Variants in ABCC9 observed in about 807,000 individuals in gnomAD.
ABCC9 encodes ATP binding cassette subfamily C member 9.
A neutral mutation model predicts 188.3 loss-of-function variants in ABCC9; 95 were observed. The ratio of observed to expected loss-of-function variants is 0.50; its 90% CI spans 0.43 to 0.60. ABCC9 has a LOEUF of 0.60. ABCC9 is among the 20% of genes least tolerant of loss of function. The probability of loss-of-function intolerance (pLI) is 0.00; values close to 1 mark genes in which losing one functional copy is unlikely to be tolerated. For synonymous variants in ABCC9, 659 were observed against 652.7 expected, an observed-to-expected ratio of 1.01 and a Z score of -0.15; for missense variants, 1,102 against 1,876.3, an observed-to-expected ratio of 0.59 and a Z score of 7.62.
chr12:21,846,334 A>ATTCCTCTC (rs1388634026), intron 25 of ABCC9, among the ~76,000 whole-genome samples: 1 of 152,194 alleles, frequency 6.6e-6, no homozygotes, highest in East Asian at 1.9e-4. Flanking sequence ...TGGGCTAGGA[A>ATTCCTCTC]TTCCTCTCAG....
intron 22 of ABCC9, among the ~76,000 whole-genome samples, chr12:21,857,656 G>T (rs111385364): frequency 1.3e-5 from 2 of 152,058 alleles, no homozygotes; most frequent in African/African-American, 4.8e-5. Context: ...AAACTTTCCC[G>T]GCTGTGAAGA....
At chr12:21,819,582 A>G (rs558026737) in intron 31 of ABCC9, among the ~76,000 whole-genome samples, 1 of 152,306 alleles carries the variant, frequency 6.6e-6, no homozygotes, top group African/African-American at 2.4e-5. Context: ...CTGAGACTCA[A>G]TTTCTTCCTT....
intron 37 of ABCC9, among the ~76,000 whole-genome samples, chr12:21,807,701 T>A (rs1414245297): frequency 1.3e-5 from 2 of 152,210 alleles, no homozygotes; most frequent in African/African-American, 4.8e-5. Context: ...GAATTACCTC[T>A]GATAGGAGGA....
intron 4 of ABCC9, among the ~76,000 whole-genome samples, chr12:21,927,346 G>C (rs779139372): frequency 2.3e-4 from 35 of 152,166 alleles, no homozygotes; most frequent in Non-Finnish European, 2.8e-4. Flanking sequence ...TAAGGAAGTT[G>C]GTTGGTAATA....
chr12:21,899,267 C>G (rs76991997), intron 12 of ABCC9, among the ~76,000 whole-genome samples: 1 of 152,330 alleles, frequency 6.6e-6, no homozygotes, highest in Non-Finnish European at 1.5e-5. Context: ...TCAAATGAAT[C>G]TTCGGCCAAT....
chr12:21,856,833 A>G (rs1045628328), intron 22 of ABCC9, among the ~76,000 whole-genome samples: 3 of 152,184 alleles, frequency 2.0e-5, no homozygotes, highest in Admixed American at 6.6e-5. Context: ...AAATACAGCA[A>G]TAATTTCAGA....
chr12:21,876,039 G>A (rs1946328663), intron 16 of ABCC9, among the ~76,000 whole-genome samples: 2 of 152,074 alleles, frequency 1.3e-5, no homozygotes, highest in Admixed American at 6.6e-5. Context: ...GTGACAGAGC[G>A]AGACTCCATC....
chr12:21,829,255 G>A (rs746243949), intron 30 of ABCC9, among the ~76,000 whole-genome samples, 195 bp from the exon 31 acceptor site: 2 of 126,040 alleles, frequency 1.6e-5, no homozygotes, highest in Non-Finnish European at 3.2e-5. Context: ...AGGCTGGAGT[G>A]CAGTGGCGCG....
intron 28 of ABCC9, among the ~76,000 whole-genome samples, chr12:21,844,022 C>T (rs1245380340): frequency 6.6e-6 from 1 of 152,132 alleles, no homozygotes; most frequent in Non-Finnish European, 1.5e-5. Context: ...CTAAACTTGG[C>T]ATTCCTGGAA....
intron 33 of ABCC9, among the ~76,000 whole-genome samples, chr12:21,816,207 A>G (rs1170367911): frequency 6.6e-6 from 1 of 151,848 alleles, no homozygotes; most frequent in East Asian, 1.9e-4. Flanking sequence ...ATTCTATTCA[A>G]AGTGGACAGA....
intron 18 of ABCC9, among the ~76,000 whole-genome samples, chr12:21,868,143 A>G (rs1415226129): frequency 1.3e-5 from 2 of 152,134 alleles, no homozygotes. Context: ...TTCTGGGTCT[A>G]CAATATGTCA....
At position 21,906,095 on chromosome 12, in the gene ABCC9, G is replaced by C. The variant is rs752818210; in HGVS notation, c.1618+31C>G. 4.2e-5 allele frequency: 68 copies of C among 1,609,872 alleles called. 1 individual carries two copies. Among genetic ancestry groups the C allele is most frequent in the Non-Finnish European group, 5.2e-5 (61 of 1,176,776 alleles). On this transcript the variant is annotated intron_variant, in intron 12 of 39. Transcript: ENST00000261200. ...GTTGGTTATTCTGGTTGCCCTTAAA[G>C]TCGCCTGTTCTTAGAGCAACAGCAA... is the stretch of plus-strand genomic sequence containing the variant.
In ABCC9 at chr12:21,925,638, C is replaced by A; in HGVS notation, c.406+304G>T. 14 of 648,098 alleles carry A rather than the reference C, an allele frequency of 2.2e-5. No individual in the cohort carries two copies. In the South Asian group the frequency reaches 2.4e-4, roughly 11 times the overall value. 40.1% of individuals were successfully genotyped at this position (648,098 alleles called of 1,614,324 possible). A position where few individuals can be genotyped will look rare whatever the true frequency, so the allele number is the denominator to read the frequency against. ...AGCTCTGATTCTTAAAATACAACTTCTGCAAGCCAGAAGGCCAGCCATATT... is the reference window on the plus strand; with the variant it reads ...AGCTCTGATTCTTAAAATACAACTTATGCAAGCCAGAAGGCCAGCCATATT... On this transcript the variant is annotated intron_variant, in intron 5 of 39. Coordinates refer to ENST00000261200, the MANE Select transcript of ABCC9 (RefSeq NM_020297.4).
Position 21,797,900 on chromosome 12 carries a change from A to G in ABCC9, c.*3144T>C, listed in dbSNP as rs917909386. ...AAAATTGATTTGACTAATTAAATAT[A>G]AAATTTATAAATGTAAAATCTGATT... On this transcript the variant is annotated 3_prime_UTR_variant, in exon 40 of 40. Transcript: ENST00000261200. 2 of 152,226 alleles carry G rather than the reference A, an allele frequency of 1.3e-5. No homozygotes were observed. Among genetic ancestry groups the G allele is most frequent in the East Asian group, 3.8e-4 (2 of 5,200 alleles). 9.4% of individuals were successfully genotyped at this position (152,226 alleles called of 1,614,324 possible).
At chr12:21,868,250 G>A (rs796281960) in intron 18 of ABCC9, among the ~76,000 whole-genome samples, 14 of 152,314 alleles carry the variant, frequency 9.2e-5, no homozygotes, top group African/African-American at 3.4e-4. Flanking sequence ...GAACAACAAT[G>A]CCTTTTCTCC....
At chr12:21,815,987 A>T (rs1218563849) in intron 33 of ABCC9, 94 bp from the exon 34 acceptor site, 1 of 658,280 alleles carries the variant, frequency 1.5e-6, no homozygotes, top group African/African-American at 2.2e-5. Context: ...TTATACATAT[A>T]TATATATTTT....
At chr12:21,873,636 G>A (rs899517489) in intron 17 of ABCC9, among the ~76,000 whole-genome samples, 1 of 152,124 alleles carries the variant, frequency 6.6e-6, no homozygotes, top group Non-Finnish European at 1.5e-5. Context: ...AGCAAAGCTG[G>A]AGGTATCACA....
chr12:21,925,907 CTTT>C, intron 5 of ABCC9, 32 bp downstream of exon 5: 1 of 1,595,294 alleles, frequency 6.3e-7, no homozygotes, highest in Middle Eastern at 1.7e-4. Context: ...ACAAATATCT[CTTT>C]AAGGAGAAAC....
At chr12:21,811,215 G>A (rs115309772) in intron 36 of ABCC9, among the ~76,000 whole-genome samples, 3,276 of 152,186 alleles carry the variant, frequency 0.022, 110 homozygotes, top group African/African-American at 0.074. Context: ...GAGAAGATGT[G>A]CCTTGCTTCC....
Sources: gnomAD v4.1 joint callset for allele counts (sites outside exome capture counted in the v4.1 genomes callset) on GRCh38, gnomAD v4.1.1 for gene constraint, MANE v1.5 for transcripts, NCBI Gene and HGNC (gene_info 2026-07-23, HGNC 2026-07-21) for gene names.